Variants in PLXDC2 observed in about 807,000 individuals in gnomAD.
PLXDC2 encodes plexin domain containing 2, also known as plexin domain-containing protein 2.
PLXDC2 carries 40 observed loss-of-function variants against 68.9 expected under a neutral mutation model. The ratio of observed to expected loss-of-function variants is 0.58; its 90% CI spans 0.45 to 0.76. The LOEUF (loss-of-function observed/expected upper bound fraction) is 0.76. Ranked by LOEUF, PLXDC2 falls within the 30% of genes least tolerant of loss-of-function variation. The pLI is 0.00. For missense variants in PLXDC2, 644 were observed against 661.9 expected (o/e 0.97, Z 0.30); for synonymous variants, 243 against 234.2 (o/e 1.04, Z -0.34).
intron 1 of PLXDC2, among the ~76,000 whole-genome samples, chr10:20,000,657 G>A (rs936243401): frequency 6.6e-6 from 1 of 152,092 alleles, no homozygotes; most frequent in East Asian, 1.9e-4. Context: ...AGGTAATTAT[G>A]CCTGTGATTG....
chr10:20,140,013 T>G (rs3107824), intron 4 of PLXDC2, among the ~76,000 whole-genome samples: 1 of 152,236 alleles, frequency 6.6e-6, no homozygotes, highest in East Asian at 1.9e-4. Context: ...TAATAAAAAT[T>G]AAAACGGCCA....
chr10:20,245,311 C>T, intron 12 of PLXDC2, 34 bp from the exon 13 acceptor site: 1 of 1,571,612 alleles, frequency 6.4e-7, no homozygotes. Context: ...AGGGTAAACT[C>T]ATGAAGGTCC....
intron 1 of PLXDC2, among the ~76,000 whole-genome samples, chr10:19,867,680 C>T (rs777225328): frequency 2.6e-5 from 4 of 152,106 alleles, no homozygotes; most frequent in Non-Finnish European, 5.9e-5. Context: ...AGGCCACTCA[C>T]AAACTGGGGC....
In PLXDC2 at chr10:19,944,939, C is replaced by T. The variant is rs1030682546; in HGVS notation, c.113-56836C>T. Among the ~76,000 whole-genome samples the T allele has an allele frequency of 7.9e-5, 12 of 151,962 alleles. No individual in the cohort carries two copies. The East Asian group carries it at 1.5e-3, about 20-fold the overall frequency. On this transcript the variant is annotated intron_variant, in intron 1 of 13. Transcript: ENST00000377252. ...TGCACTCCAGCCGGGGCAACAAGAG[C>T]GAAACTCCATCTCAAACAAAACAAA...
intron 9 of PLXDC2, among the ~76,000 whole-genome samples, chr10:20,204,724 C>T (rs886606047): frequency 6.6e-6 from 1 of 152,112 alleles, no homozygotes; most frequent in Non-Finnish European, 1.5e-5. Flanking sequence ...TGGCACACAG[C>T]CACACCCAAT....
chr10:20,049,109 C>T (rs1191253291), intron 3 of PLXDC2, among the ~76,000 whole-genome samples: 2 of 152,030 alleles, frequency 1.3e-5, no homozygotes, highest in Admixed American at 1.3e-4. Flanking sequence ...CATTAACAAA[C>T]ATTTCTTCAG....
chr10:19,933,843 GAGGA>G (rs1429400956), intron 1 of PLXDC2, among the ~76,000 whole-genome samples: 5 of 119,800 alleles, frequency 4.2e-5, no homozygotes, highest in Non-Finnish European at 8.3e-5. Flanking sequence ...GGAAGGAGGG[GAGGA>G]AGGAAGGAAG....
intron 6 of PLXDC2, among the ~76,000 whole-genome samples, chr10:20,152,858 A>G (rs1349575433): frequency 6.6e-6 from 1 of 152,142 alleles, no homozygotes; most frequent in Non-Finnish European, 1.5e-5. Context: ...ACAAAGTACC[A>G]AAGTACTTTG....
At chr10:20,046,289 T>C (rs546015149) in intron 2 of PLXDC2, among the ~76,000 whole-genome samples, 1 of 151,952 alleles carries the variant, frequency 6.6e-6, no homozygotes, top group African/African-American at 2.4e-5. Context: ...ATTTAACAAT[T>C]TCCTCTAAAG....
At position 20,201,930 on chromosome 10, in the gene PLXDC2, T is replaced by C. The variant is rs184302145; in HGVS notation, c.1062-9739T>C. On this transcript the variant is annotated intron_variant, in intron 9 of 13. Coordinates refer to ENST00000377252, the MANE Select transcript of PLXDC2 (RefSeq NM_032812.9). ...GAGGTTGAACGTAAAACTAAAACCA[T>C]CTTAGCACTGGGATACACCTACTTT... Among the ~76,000 whole-genome samples the C allele has an allele frequency of 1.3e-3, 197 of 152,274 alleles. 1 individual carries two copies. Among genetic ancestry groups the C allele is most frequent in the African/African-American group, 4.4e-3 (185 of 41,574 alleles).
At chr10:20,147,019 A>G (rs1412667814) in intron 5 of PLXDC2, among the ~76,000 whole-genome samples, 1 of 152,052 alleles carries the variant, frequency 6.6e-6, no homozygotes, top group African/African-American at 2.4e-5. Flanking sequence ...TTTTTTTTTA[A>G]AAAAAGAGAG....
chr10:19,927,040 T>A (rs1313615080), intron 1 of PLXDC2, among the ~76,000 whole-genome samples: 2 of 152,212 alleles, frequency 1.3e-5, no homozygotes, highest in Non-Finnish European at 2.9e-5. Flanking sequence ...ATCCATCTGC[T>A]CTCTGATTTA....
chr10:19,852,531 C>G (rs1229401805), intron 1 of PLXDC2, among the ~76,000 whole-genome samples: 1 of 142,708 alleles, frequency 7.0e-6, no homozygotes, highest in Non-Finnish European at 1.5e-5. Flanking sequence ...GAAAAGATTT[C>G]AAATCACTGA....
chr10:20,271,552 C>CT lies in PLXDC2; in HGVS notation c.1474-8145dup, dbSNP rs1398923942. Among the ~76,000 whole-genome samples, 20 of 152,194 alleles carry CT rather than the reference C, an allele frequency of 1.3e-4. 1 individual carries two copies. The highest frequency in any genetic ancestry group is 6.2e-4 in the South Asian group (3 of 4,828). On this transcript the variant is annotated intron_variant, in intron 13 of 13. Transcript: ENST00000377252. ...ACACTGGGTGAACCTGAACATGTGACTTTTTTCTCCACTAGTTGGTTCTGT... is the reference window on the plus strand; with the variant it reads ...ACACTGGGTGAACCTGAACATGTGACTTTTTTTCTCCACTAGTTGGTTCTGT...
chr10:19,963,802 A>G lies in PLXDC2; in HGVS notation c.113-37973A>G, dbSNP rs866189058. 3.9e-5 allele frequency among the ~76,000 whole-genome samples: 6 copies of G among 151,966 alleles called. No individual in the cohort carries two copies. The South Asian group carries it at 1.2e-3, about 32-fold the overall frequency. ...GTATACATATGTAACAAACCTGCAC[A>G]TTGTGCACATGTACCCTAGAACTTG... is the stretch of plus-strand genomic sequence containing the variant. On this transcript the variant is annotated intron_variant, in intron 1 of 13. Coordinates refer to ENST00000377252, the MANE Select transcript of PLXDC2 (RefSeq NM_032812.9).
chr10:20,029,978 T>C (rs534241393), intron 2 of PLXDC2, among the ~76,000 whole-genome samples: 1 of 152,316 alleles, frequency 6.6e-6, no homozygotes, highest in African/African-American at 2.4e-5. Context: ...AATTTGGCTT[T>C]TAAATTCTTA....
intron 4 of PLXDC2, among the ~76,000 whole-genome samples, chr10:20,137,012 G>C (rs897882993): frequency 6.6e-6 from 1 of 152,118 alleles, no homozygotes; most frequent in African/African-American, 2.4e-5. Flanking sequence ...ATCAAACCAA[G>C]AACTTTGGAC....
At chr10:19,926,326 C>T (rs1833536738) in intron 1 of PLXDC2, among the ~76,000 whole-genome samples, 1 of 152,082 alleles carries the variant, frequency 6.6e-6, no homozygotes, top group South Asian at 2.1e-4. Flanking sequence ...TCTGTTGCAG[C>T]TTAGTTTTAT....
intron 6 of PLXDC2, among the ~76,000 whole-genome samples, chr10:20,156,741 T>C (rs1432834351): frequency 2.6e-5 from 4 of 152,138 alleles, no homozygotes; most frequent in Non-Finnish European, 5.9e-5. Context: ...GATGCATTGC[T>C]CAATACCTGG....
Sources: allele counts gnomAD v4.1 joint callset (sites outside exome capture counted in the v4.1 genomes callset), GRCh38; gene constraint gnomAD v4.1.1; transcripts MANE v1.5; gene names NCBI Gene and HGNC (gene_info 2026-07-23, HGNC 2026-07-21).